ABI3BP: variants seen among roughly 807,000 people sequenced by gnomAD.
ABI3BP encodes the protein ABI family member 3 binding protein, also known as target of Nesh-SH3.
A neutral mutation model predicts 268.6 loss-of-function variants in ABI3BP; 216 were observed. That is an observed-to-expected ratio of 0.80 (90% CI 0.72 to 0.90). The LOEUF (loss-of-function observed/expected upper bound fraction) is 0.90, where lower values mean the gene tolerates loss of function less well. Among genes scored for constraint, ABI3BP ranks in the 40% least tolerant of loss-of-function variants. The pLI, the probability that ABI3BP is intolerant of heterozygous loss-of-function variation, is 0.00. For synonymous variants in ABI3BP, 730 were observed against 730.0 expected, an observed-to-expected ratio of 1.00 and a Z score of 0.00; for missense variants, 2,090 against 2,182.4, an observed-to-expected ratio of 0.96 and a Z score of 0.84.
intron 2 of ABI3BP, among the ~76,000 whole-genome samples, chr3:100,916,055 T>C (rs2058519167): frequency 1.3e-5 from 2 of 152,270 alleles, no homozygotes; most frequent in South Asian, 2.1e-4. Flanking sequence ...GTGTTTTATA[T>C]GTGCACCCCA....
intron 21 of ABI3BP, 88 bp downstream of exon 21, chr3:100,841,910 A>G (rs2098709519): frequency 8.4e-7 from 1 of 1,185,658 alleles, no homozygotes; most frequent in East Asian, 2.6e-5. Context: ...AGAAAAAAAA[A>G]AAAAAACAAA....
chr3:100,749,274 G>A lies in ABI3BP; in HGVS notation c.*1221C>T, dbSNP rs976581162. ...ATAAAACTTAGTGATTTTCCTTCTC[G>A]ATAAAAGGTATAGTTAACATACTGA... On this transcript the variant is annotated 3_prime_UTR_variant, in exon 68 of 68. Coordinates refer to ENST00000471714, the MANE Select transcript of ABI3BP (RefSeq NM_001375547.2). 1.7e-5 allele frequency: 1 copy of A among 60,106 alleles called. No homozygotes were observed. Among genetic ancestry groups the A allele is most frequent in the African/African-American group, 1.4e-4 (1 of 7,210 alleles). The allele number at this position is 60,106 out of a possible 1,614,324, so 3.7% of individuals were successfully genotyped here.
chr3:100,889,309 G>A (rs2043393373), intron 4 of ABI3BP, among the ~76,000 whole-genome samples: 1 of 152,054 alleles, frequency 6.6e-6, no homozygotes, highest in Admixed American at 6.6e-5. Context: ...ACAGACCCAG[G>A]CAAATGCCAA....
In ABI3BP at chr3:100,770,807, G is replaced by A. The variant is rs1304137764; in HGVS notation, c.4677C>T (p.Thr1559=). 16 of 1,587,060 alleles carry A rather than the reference G, an allele frequency of 1.0e-5. No homozygotes were observed. The highest frequency in any genetic ancestry group is 8.9e-5 in the Admixed American group (5 of 56,108). The part of the protein sequence containing the change: ...QNPPTNLTVV[T]VEGCPSFVIL... ...TGACAAATGAGGGGCACCCTTCCAC[G>A]GTGACCACAGTGAGGTTGGTGGGTG... The change falls in exon 62 of 68, where the codon ACC becomes ACT. Residue 1559 remains threonine, a synonymous_variant. Transcript: ENST00000471714.
At chr3:100,963,106 G>T (rs1264575718) in intron 1 of ABI3BP, among the ~76,000 whole-genome samples, 2 of 152,092 alleles carry the variant, frequency 1.3e-5, no homozygotes, top group African/African-American at 2.4e-5. Flanking sequence ...GTACATATAT[G>T]TTAACCCATT....
intron 59 of ABI3BP, among the ~76,000 whole-genome samples, chr3:100,776,612 G>A (rs2096712505): frequency 6.6e-6 from 1 of 152,170 alleles, no homozygotes; most frequent in South Asian, 2.1e-4. Flanking sequence ...TACACTTTCT[G>A]TGATGCTAAT....
chr3:100,974,329 C>CTTCAACCAAGTGGA, intron 1 of ABI3BP, among the ~76,000 whole-genome samples: 1 of 152,156 alleles, frequency 6.6e-6, no homozygotes, highest in African/African-American at 2.4e-5. Flanking sequence ...CAGTTTTATT[C>CTTCAACCAAGTGGA]ATATTGGCCC....
chr3:100,894,683 T>C (rs1317463419), intron 4 of ABI3BP, among the ~76,000 whole-genome samples: 1 of 151,986 alleles, frequency 6.6e-6, no homozygotes, highest in Non-Finnish European at 1.5e-5. Context: ...CTCACGCCTG[T>C]AATCCCAGCA....
At chr3:100,773,820 A>G (rs1271612044) in intron 61 of ABI3BP, among the ~76,000 whole-genome samples, 1 of 152,248 alleles carries the variant, frequency 6.6e-6, no homozygotes, top group Non-Finnish European at 1.5e-5. Flanking sequence ...ATTTATGCTG[A>G]TAAAAGAAGC....
intron 4 of ABI3BP, among the ~76,000 whole-genome samples, chr3:100,894,955 A>AAAAAAAAC (rs2046789741): frequency 7.0e-6 from 1 of 143,606 alleles, no homozygotes; most frequent in East Asian, 2.0e-4. Context: ...AAAAAAAAAA[A>AAAAAAAAC]AAAAAAAAAA....
At chr3:100,877,593 C>T (rs1581595515) in intron 6 of ABI3BP, among the ~76,000 whole-genome samples, 1 of 152,054 alleles carries the variant, frequency 6.6e-6, no homozygotes, top group East Asian at 1.9e-4. Flanking sequence ...AGAGTCATTG[C>T]CAGACATAAT....
At chr3:100,781,975 C>G (rs2096878865) in intron 57 of ABI3BP, among the ~76,000 whole-genome samples, 1 of 152,228 alleles carries the variant, frequency 6.6e-6, no homozygotes, top group African/African-American at 2.4e-5. Flanking sequence ...CAAAGCCTAT[C>G]TCTTCAGCAC....
At position 100,751,684 on chromosome 3, in the gene ABI3BP, C is replaced by A; in HGVS notation, c.5123-10G>T. The A allele has an allele frequency of 6.3e-7, 1 of 1,580,716 alleles. No homozygotes were observed. Among genetic ancestry groups the A allele is most frequent in the Non-Finnish European group, 8.6e-7 (1 of 1,163,788 alleles). On this transcript the variant is annotated splice_polypyrimidine_tract_variant and intron_variant, in intron 66 of 67. Transcript: ENST00000471714. ...ATGTTATAAAATTTTCCTGAAGAAC[C>A]AGAAATTAAAAGGATAAAGTTTACT...
intron 20 of ABI3BP, chr3:100,844,129 T>G: frequency 1.0e-6 from 1 of 985,162 alleles, no homozygotes; most frequent in South Asian, 4.7e-5. Flanking sequence ...ATAACAAAGC[T>G]GAGTGGTCTG....
intron 4 of ABI3BP, among the ~76,000 whole-genome samples, chr3:100,887,110 A>T (rs1457474741): frequency 6.6e-6 from 1 of 152,018 alleles, no homozygotes; most frequent in Non-Finnish European, 1.5e-5. Context: ...CAGAACATTC[A>T]CTTAACTTGC....
chr3:100,796,713 A>G (rs1008241366), intron 51 of ABI3BP, among the ~76,000 whole-genome samples: 5 of 152,122 alleles, frequency 3.3e-5, no homozygotes, highest in African/African-American at 9.7e-5. Flanking sequence ...GTCTTCCTTG[A>G]GGAAGAGGAG....
At chr3:100,815,360 A>T (rs1221827426) in intron 44 of ABI3BP, among the ~76,000 whole-genome samples, 2 of 152,156 alleles carry the variant, frequency 1.3e-5, no homozygotes, top group Non-Finnish European at 2.9e-5. Flanking sequence ...ACATGCATAG[A>T]TATTCAGAGG....
chr3:100,816,385 T>C (rs1275102826), intron 43 of ABI3BP: 2 of 510,092 alleles, frequency 3.9e-6, no homozygotes, highest in Non-Finnish European at 7.0e-6. Context: ...CATGTTTCAA[T>C]GCAGATATAG....
In ABI3BP at chr3:100,907,763, G is replaced by A. The variant is rs544773499; in HGVS notation, c.260-5077C>T. 1.1e-3 allele frequency among the ~76,000 whole-genome samples: 165 copies of A among 151,890 alleles called. 2 individuals are homozygous for A. The highest frequency in any genetic ancestry group is 3.9e-3 in the African/African-American group (160 of 41,212). On this transcript the variant is annotated intron_variant, in intron 2 of 67. Coordinates refer to ENST00000471714, the MANE Select transcript of ABI3BP (RefSeq NM_001375547.2). Reference sequence around the variant, plus strand: ...TGACAGGCAGAATCTGGATCTGACAGCACATAATACAATAATAAATTATTA... The same window carrying A: ...TGACAGGCAGAATCTGGATCTGACAACACATAATACAATAATAAATTATTA...
Sources: gnomAD v4.1 joint callset for allele counts (sites outside exome capture counted in the v4.1 genomes callset) on GRCh38, gnomAD v4.1.1 for gene constraint, MANE v1.5 for transcripts, NCBI Gene and HGNC (gene_info 2026-07-23, HGNC 2026-07-21) for gene names.